The following KCNJ3 variants were observed in gnomAD, a reference collection of about 807,000 sequenced individuals.
KCNJ3 encodes the protein potassium inwardly rectifying channel subfamily J member 3.
Under a neutral mutation model 39.2 loss-of-function variants are expected in KCNJ3, and 4 were observed. The ratio of observed to expected loss-of-function variants is 0.10; its 90% CI spans 0.05 to 0.23. The LOEUF is 0.23. Ranked by LOEUF, KCNJ3 falls within the 10% of genes least tolerant of loss-of-function variation. The pLI, the probability that KCNJ3 is intolerant of heterozygous loss-of-function variation, is 1.00. For synonymous variants in KCNJ3, 230 were observed against 237.4 expected, an observed-to-expected ratio of 0.97 and a Z score of 0.29; for missense variants, 276 against 634.9, an observed-to-expected ratio of 0.43 and a Z score of 6.08.
At chr2:154,851,503 A>G (rs16838324) in intron 2 of KCNJ3, among the ~76,000 whole-genome samples, 1,624 of 152,326 alleles carry the variant, frequency 0.011, 16 homozygotes, top group African/African-American at 0.026. Context: ...CTAAGAGAAG[A>G]TATGTTGTTA....
intron 2 of KCNJ3, among the ~76,000 whole-genome samples, chr2:154,760,941 G>C (rs913523639): frequency 6.6e-6 from 1 of 151,016 alleles, no homozygotes; most frequent in Non-Finnish European, 1.5e-5. Context: ...GTTTCAGCGT[G>C]TTAGCCAGGA....
intron 2 of KCNJ3, among the ~76,000 whole-genome samples, chr2:154,830,058 A>G (rs1687337890): frequency 6.6e-6 from 1 of 152,176 alleles, no homozygotes; most frequent in Admixed American, 6.5e-5. Flanking sequence ...GTAAACCTGT[A>G]CAGAAAGTTC....
intron 2 of KCNJ3, among the ~76,000 whole-genome samples, chr2:154,751,660 A>T (rs1685847027): frequency 6.6e-6 from 1 of 152,100 alleles, no homozygotes; most frequent in Admixed American, 6.6e-5. Context: ...TTTCTATTAT[A>T]GTAGTTTGTT....
chr2:154,811,823 G>T (rs537091777), intron 2 of KCNJ3, among the ~76,000 whole-genome samples: 1 of 152,262 alleles, frequency 6.6e-6, no homozygotes, highest in Non-Finnish European at 1.5e-5. Flanking sequence ...GAGATGGGTG[G>T]TATTTTACTT....
At chr2:154,728,597 CCA>C (rs1220079778) in intron 2 of KCNJ3, among the ~76,000 whole-genome samples, 1 of 152,140 alleles carries the variant, frequency 6.6e-6, no homozygotes, top group Non-Finnish European at 1.5e-5. Context: ...TCCACAATAT[CCA>C]CAGTCTGAAT....
chr2:154,783,038 C>T lies in KCNJ3; in HGVS notation c.920-71689C>T, dbSNP rs557599722. On this transcript the variant is annotated intron_variant, in intron 2 of 2. Coordinates refer to ENST00000295101, the MANE Select transcript of KCNJ3 (RefSeq NM_002239.4). ...CTAAAAAGACAAAAAATTAGCCGGG[C>T]GTGGTCGTGGGCACCTGTATTCCCA... is the stretch of plus-strand genomic sequence containing the variant. Among the ~76,000 whole-genome samples the T allele has an allele frequency of 8.4e-4, 127 of 152,034 alleles. 1 individual carries two copies. In the Middle Eastern group the frequency reaches 0.017, roughly 20 times the overall value.
At chr2:154,827,119 C>T (rs1254001631) in intron 2 of KCNJ3, among the ~76,000 whole-genome samples, 6 of 152,044 alleles carry the variant, frequency 3.9e-5, no homozygotes, top group Admixed American at 3.9e-4. Flanking sequence ...TATCCTTCTC[C>T]CAGCTTAATA....
intron 2 of KCNJ3, among the ~76,000 whole-genome samples, chr2:154,769,456 C>T (rs1438531832): frequency 4.6e-5 from 7 of 151,918 alleles, no homozygotes; most frequent in African/African-American, 1.2e-4. Context: ...ATGTGGTTTT[C>T]GTCTTTTGTT....
chr2:154,844,777 G>A (rs1687638034), intron 2 of KCNJ3, among the ~76,000 whole-genome samples: 1 of 152,210 alleles, frequency 6.6e-6, no homozygotes, highest in Admixed American at 6.5e-5. Flanking sequence ...GAATTACCTT[G>A]TCTGCTGGTT....
rs900143282 is a variant in KCNJ3, at chr2:154,854,615, A to C, written c.920-112A>C. ...ATCTATTCTATTATTCGGGCTTCAGATAAACAGTCCAAAACCTAGATAAGA... is the reference window on the plus strand; with the variant it reads ...ATCTATTCTATTATTCGGGCTTCAGCTAAACAGTCCAAAACCTAGATAAGA... On this transcript the variant is annotated intron_variant, in intron 2 of 2. Coordinates refer to ENST00000295101, the MANE Select transcript of KCNJ3 (RefSeq NM_002239.4). 3 of 707,248 alleles carry C rather than the reference A, an allele frequency of 4.2e-6. No individual in the cohort carries two copies. The African/African-American group carries it at 5.4e-5, about 13-fold the overall frequency. The allele number at this position is 707,248 out of a possible 1,614,324, so 43.8% of individuals were successfully genotyped here.
At chr2:154,816,446 C>T (rs1018945125) in intron 2 of KCNJ3, among the ~76,000 whole-genome samples, 5 of 152,060 alleles carry the variant, frequency 3.3e-5, no homozygotes, top group African/African-American at 1.2e-4. Context: ...TGCTATGTCA[C>T]GTAGTATAGT....
intron 2 of KCNJ3, among the ~76,000 whole-genome samples, chr2:154,799,676 T>C (rs1686777794): frequency 2.0e-5 from 3 of 152,120 alleles, no homozygotes; most frequent in African/African-American, 7.2e-5. Flanking sequence ...ATATTTCAGG[T>C]TCTTCTTTAA....
intron 2 of KCNJ3, among the ~76,000 whole-genome samples, chr2:154,715,523 T>A (rs1685167601): frequency 1.3e-5 from 2 of 152,204 alleles, no homozygotes; most frequent in Admixed American, 1.3e-4. Flanking sequence ...TAGTTTTTCT[T>A]CAATACCTCA....
chr2:154,724,759 T>TA (rs1215030509), intron 2 of KCNJ3, among the ~76,000 whole-genome samples: 1 of 151,352 alleles, frequency 6.6e-6, no homozygotes, highest in East Asian at 1.9e-4. Flanking sequence ...GCAATGGGTG[T>TA]AAGTAAACTC....
intron 2 of KCNJ3, among the ~76,000 whole-genome samples, chr2:154,765,703 A>G (rs1686122227): frequency 6.6e-6 from 1 of 152,232 alleles, no homozygotes; most frequent in Non-Finnish European, 1.5e-5. Flanking sequence ...CCACAGCACT[A>G]CAGTGAACTC....
At chr2:154,726,417 C>T (rs1270044845) in intron 2 of KCNJ3, among the ~76,000 whole-genome samples, 1 of 152,046 alleles carries the variant, frequency 6.6e-6, no homozygotes. Context: ...GCAATACTAC[C>T]TTACTCCTGC....
At chr2:154,820,018 C>T (rs1687146678) in intron 2 of KCNJ3, among the ~76,000 whole-genome samples, 1 of 152,110 alleles carries the variant, frequency 6.6e-6, no homozygotes, top group South Asian at 2.1e-4. Flanking sequence ...TGCAAAATAG[C>T]ACAGAGTTGG....
chr2:154,703,864 A>G (rs1365706750), intron 1 of KCNJ3, among the ~76,000 whole-genome samples: 1 of 152,122 alleles, frequency 6.6e-6, no homozygotes, highest in Non-Finnish European at 1.5e-5. Flanking sequence ...AAATCCACAA[A>G]TGAATGTCTA....
At chr2:154,762,576 T>G (rs1180937998) in intron 2 of KCNJ3, among the ~76,000 whole-genome samples, 1 of 152,226 alleles carries the variant, frequency 6.6e-6, no homozygotes, top group Non-Finnish European at 1.5e-5. Context: ...CCAATTCTCC[T>G]CTTGGGAACT....
Sources: gnomAD v4.1 joint callset for allele counts (sites outside exome capture counted in the v4.1 genomes callset) on GRCh38, gnomAD v4.1.1 for gene constraint, MANE v1.5 for transcripts, NCBI Gene and HGNC (gene_info 2026-07-23, HGNC 2026-07-21) for gene names.